The following TMEFF2 variants were observed in gnomAD, a reference collection of about 807,000 sequenced individuals.
TMEFF2 encodes transmembrane protein with EGF like and two follistatin like domains 2.
In TMEFF2, 28 loss-of-function variants were observed where a neutral mutation model predicts 53.8. The observed-to-expected ratio is 0.52, with a 90% CI of 0.39 to 0.71. The LOEUF is 0.71. Ranked by LOEUF, TMEFF2 falls within the 30% of genes least tolerant of loss-of-function variation. The pLI is 0.00. For missense variants in TMEFF2, 353 were observed against 455.2 expected (o/e 0.78, Z 2.04); for synonymous variants, 162 against 166.3 (o/e 0.97, Z 0.20).
chr2:192,132,114 G>A (rs944917256), intron 4 of TMEFF2, among the ~76,000 whole-genome samples: 21 of 151,928 alleles, frequency 1.4e-4, no homozygotes, highest in African/African-American at 5.1e-4. Context: ...TCCTCGCCAG[G>A]CCAAGCTAGG....
chr2:192,086,208 G>C lies in TMEFF2; in HGVS notation c.440-28433C>G, dbSNP rs56102307. On this transcript the variant is annotated intron_variant, in intron 4 of 9. Transcript: ENST00000272771. ...TAGCATCTAAGCTTTTGGCATATCC[G>C]GTTGTTGGTTGACTTATTTTTGCCT... Among the ~76,000 whole-genome samples the C allele has an allele frequency of 1.7e-3, 254 of 152,194 alleles. 1 individual carries two copies. Among genetic ancestry groups the C allele is most frequent in the African/African-American group, 5.8e-3 (241 of 41,506 alleles).
intron 5 of TMEFF2, among the ~76,000 whole-genome samples, chr2:192,000,994 G>A (rs1392427991): frequency 6.6e-6 from 1 of 152,194 alleles, no homozygotes; most frequent in African/African-American, 2.4e-5. Context: ...GAGATCAGGA[G>A]CTGCCTACAT....
chr2:191,986,884 G>A (rs1245955512), intron 7 of TMEFF2, among the ~76,000 whole-genome samples: 1 of 148,478 alleles, frequency 6.7e-6, no homozygotes, highest in East Asian at 1.9e-4. Context: ...AAAAAAGTGT[G>A]TTTGAAGCAG....
chr2:191,974,958 A>G (rs1685673209), intron 7 of TMEFF2, among the ~76,000 whole-genome samples: 3 of 152,108 alleles, frequency 2.0e-5, no homozygotes. Context: ...CTCAGGTTAC[A>G]AAGAGATTAA....
chr2:192,127,306 G>A (rs1689700179), intron 4 of TMEFF2, among the ~76,000 whole-genome samples: 2 of 152,166 alleles, frequency 1.3e-5, no homozygotes, highest in Non-Finnish European at 2.9e-5. Flanking sequence ...ACTAATAATA[G>A]AGCAAATTAT....
At chr2:192,095,798 CAATA>C (rs1484262259) in intron 4 of TMEFF2, among the ~76,000 whole-genome samples, 1 of 151,856 alleles carries the variant, frequency 6.6e-6, no homozygotes, top group Non-Finnish European at 1.5e-5. Context: ...TTTAAATATA[CAATA>C]AATAAGAAAT....
chr2:191,984,109 CT>C (rs1034144439), intron 7 of TMEFF2, among the ~76,000 whole-genome samples: 9 of 151,796 alleles, frequency 5.9e-5, no homozygotes, highest in African/African-American at 1.9e-4. Context: ...TTCGTAAGTT[CT>C]TTTTTTCTTT....
At chr2:192,057,863 C>T (rs1687949541) in intron 4 of TMEFF2, 88 bp from the exon 5 acceptor site, 4 of 1,049,836 alleles carry the variant, frequency 3.8e-6, no homozygotes, top group Non-Finnish European at 5.9e-6. Flanking sequence ...AAAGCTGCTA[C>T]TTTCCCAATG....
intron 4 of TMEFF2, among the ~76,000 whole-genome samples, chr2:192,105,247 A>T (rs1689119130): frequency 6.6e-6 from 1 of 151,968 alleles, no homozygotes; most frequent in Non-Finnish European, 1.5e-5. Context: ...GTGTTACTGA[A>T]GTACACATAA....
chr2:192,155,991 C>T (rs1023652193), intron 4 of TMEFF2, among the ~76,000 whole-genome samples: 1 of 147,652 alleles, frequency 6.8e-6, no homozygotes, highest in Non-Finnish European at 1.5e-5. Flanking sequence ...ATACAAGAAA[C>T]ATTAAAATAC....
chr2:192,085,011 C>A (rs749819401), intron 4 of TMEFF2, among the ~76,000 whole-genome samples: 2 of 152,098 alleles, frequency 1.3e-5, no homozygotes, highest in Non-Finnish European at 2.9e-5. Flanking sequence ...AAAATTGAAC[C>A]AGCCTCCAAT....
At chr2:192,032,904 C>A (rs1464649019) in intron 5 of TMEFF2, among the ~76,000 whole-genome samples, 3 of 152,018 alleles carry the variant, frequency 2.0e-5, no homozygotes, top group Non-Finnish European at 4.4e-5. Context: ...TTGTTTTTTT[C>A]TCTAACAACA....
At chr2:191,962,483 A>C (rs939955889) in intron 7 of TMEFF2, among the ~76,000 whole-genome samples, 3 of 152,208 alleles carry the variant, frequency 2.0e-5, no homozygotes, top group Non-Finnish European at 4.4e-5. Flanking sequence ...AAATTGGAAA[A>C]AGTACCAGCA....
chr2:192,125,731 G>A (rs577426538), intron 4 of TMEFF2, among the ~76,000 whole-genome samples: 3 of 152,322 alleles, frequency 2.0e-5, no homozygotes, highest in Admixed American at 2.0e-4. Context: ...GGACATGGAT[G>A]GAGCTGGAAG....
intron 7 of TMEFF2, among the ~76,000 whole-genome samples, chr2:191,969,552 C>T (rs1273144471): frequency 6.6e-6 from 1 of 152,116 alleles, no homozygotes; most frequent in East Asian, 1.9e-4. Flanking sequence ...TGTTGCTAAT[C>T]ATGAAAGACA....
intron 4 of TMEFF2, among the ~76,000 whole-genome samples, chr2:192,171,756 T>C (rs1690919910): frequency 6.6e-6 from 1 of 151,924 alleles, no homozygotes; most frequent in South Asian, 2.1e-4. Flanking sequence ...GCATTCCTGA[T>C]CACCCCAAAT....
chr2:192,027,291 A>T (rs781001165), intron 5 of TMEFF2, among the ~76,000 whole-genome samples: 3 of 152,222 alleles, frequency 2.0e-5, no homozygotes, highest in Non-Finnish European at 2.9e-5. Context: ...TTTAAATCAA[A>T]GTTCCACTGC....
rs201833615 is a variant in TMEFF2 at position 191,950,281 on chromosome 2, G to A, written c.*30C>T. 6.2e-7 allele frequency: 1 copy of A among 1,612,964 alleles called. No homozygotes were observed. Among genetic ancestry groups the A allele is most frequent in the Admixed American group, 1.7e-5 (1 of 59,944 alleles). On this transcript the variant is annotated 3_prime_UTR_variant, in exon 10 of 10. Coordinates refer to ENST00000272771, the MANE Select transcript of TMEFF2 (RefSeq NM_016192.4). Reference sequence around the variant, plus strand: ...CTGTATTGTGTAGTCCAAGCTCTCGGTAGTCCAGCCACTGTGAAACATGCT... The same window carrying A: ...CTGTATTGTGTAGTCCAAGCTCTCGATAGTCCAGCCACTGTGAAACATGCT...
intron 4 of TMEFF2, among the ~76,000 whole-genome samples, chr2:192,067,430 C>T (rs1006542005): frequency 6.6e-6 from 1 of 151,766 alleles, no homozygotes; most frequent in African/African-American, 2.4e-5. Context: ...TATTCATTGT[C>T]TCTCTTGTAT....
Sources: allele counts gnomAD v4.1 joint callset (sites outside exome capture counted in the v4.1 genomes callset), GRCh38; gene constraint gnomAD v4.1.1; transcripts MANE v1.5; gene names NCBI Gene and HGNC (gene_info 2026-07-23, HGNC 2026-07-21).